Variants in JMJD7 observed in about 807,000 individuals in gnomAD.
JMJD7 encodes jumonji domain containing 7.
JMJD7 carries 41 observed loss-of-function variants against 41.1 expected under a neutral mutation model. The observed-to-expected ratio is 1.00, with a 90% CI of 0.78 to 1.30. The LOEUF (loss-of-function observed/expected upper bound fraction) is 1.30. Ranked by LOEUF, JMJD7 falls within the 50% of genes most tolerant of loss-of-function variation. JMJD7 has a pLI of 0.00. For synonymous variants in JMJD7, 202 were observed against 177.2 expected (o/e 1.14, Z -1.11); for missense variants, 480 against 420.7 (o/e 1.14, Z -1.23).
At chr15:41,835,451 C>A in intron 3 of JMJD7, 137 bp from the exon 4 acceptor site, 1 of 1,390,900 alleles carries the variant, frequency 7.2e-7, no homozygotes, top group Non-Finnish European at 9.7e-7. Flanking sequence ...CCCAAGATTT[C>A]CCAACCTCTG....
chr15:41,830,407 G>T lies in JMJD7; in HGVS notation c.64+2219G>T, dbSNP rs541346075. ...CATATGCACCTTGCCCGCCGCCGCT[G>T]TGGGGAAAACGTGAAGAGGAGAGGC... is the stretch of plus-strand genomic sequence containing the variant. On this transcript the variant is annotated intron_variant, in intron 1 of 7. Coordinates refer to ENST00000397299, the MANE Select transcript of JMJD7 (RefSeq NM_001114632.2). Among the ~76,000 whole-genome samples the T allele has an allele frequency of 3.9e-5, 6 of 152,376 alleles. No homozygotes were observed. In the East Asian group the frequency reaches 7.7e-4, roughly 20 times the overall value.
In JMJD7 at chr15:41,837,389, GA is replaced by G. The variant is rs1463713530; in HGVS notation, c.*234del. On this transcript the variant is annotated 3_prime_UTR_variant, in exon 8 of 8. Transcript: ENST00000397299. ...TTGCCACACAGGTGAGCAGAGTGGG[GA>G]TCAGGTGCAGCGGCACCTCTCCCCA... 7.1e-6 allele frequency: 4 copies of G among 564,586 alleles called. No individual in the cohort carries two copies. The highest frequency in any genetic ancestry group is 9.4e-6 in the Non-Finnish European group (3 of 317,492). 35.0% of individuals were successfully genotyped at this position (564,586 alleles called of 1,614,324 possible).
rs372847191 is a variant in JMJD7, at chr15:41,830,956, G to A, written c.64+2768G>A. Among the ~76,000 whole-genome samples the A allele has an allele frequency of 4.5e-4, 68 of 152,376 alleles. 1 individual carries two copies. The East Asian group carries it at 9.6e-3, about 22-fold the overall frequency. ...GCTTGGGTGCCGTGAATGGTGGCAA[G>A]AGGCAGACAGGTTCCTGGGTGGAAG... is the stretch of plus-strand genomic sequence containing the variant. On this transcript the variant is annotated intron_variant, in intron 1 of 7. Coordinates refer to ENST00000397299, the MANE Select transcript of JMJD7 (RefSeq NM_001114632.2).
chr15:41,833,241 A>G (rs1175253485), intron 1 of JMJD7, among the ~76,000 whole-genome samples: 1 of 151,868 alleles, frequency 6.6e-6, no homozygotes, highest in Non-Finnish European at 1.5e-5. Flanking sequence ...TTTATTCAAC[A>G]TTAGGCAAAT....
intron 1 of JMJD7, among the ~76,000 whole-genome samples, chr15:41,832,679 C>G (rs1167283447): frequency 6.6e-6 from 1 of 152,210 alleles, no homozygotes; most frequent in African/African-American, 2.4e-5. Context: ...GGTCTTCTCA[C>G]TCAGTTACAA....
rs2065330985 is a variant in JMJD7 at position 41,836,954 on chromosome 15, C to G, written c.862+14C>G. The stretch of plus-strand genomic sequence containing the variant: ...GCTGCATCGCAGGTGAAGAGTTGCC[C>G]AGGCCGCCTGGGGAGAGGCCCTGTC... On this transcript the variant is annotated intron_variant, in intron 7 of 7. Coordinates refer to ENST00000397299, the MANE Select transcript of JMJD7 (RefSeq NM_001114632.2). The G allele has an allele frequency of 1.9e-6, 3 of 1,611,716 alleles. No homozygotes were observed. Among genetic ancestry groups the G allele is most frequent in the Admixed American group, 1.7e-5 (1 of 59,948 alleles).
rs376767790 is a variant in JMJD7 at position 41,832,880 on chromosome 15, C to T, written c.65-1860C>T. Among the ~76,000 whole-genome samples, 15 of 152,226 alleles carry T rather than the reference C, an allele frequency of 9.9e-5. No individual in the cohort carries two copies. The East Asian group carries it at 2.5e-3, about 25-fold the overall frequency. ...GACCTAGAGCATGAATGTAGCAAAG[C>T]GAAGCCCTGTACACTTTATAAAAAC... On this transcript the variant is annotated intron_variant, in intron 1 of 7. Transcript: ENST00000397299.
chr15:41,832,064 G>A (rs1340262951), intron 1 of JMJD7, among the ~76,000 whole-genome samples: 1 of 152,206 alleles, frequency 6.6e-6, no homozygotes, highest in African/African-American at 2.4e-5. Flanking sequence ...AGTGTCAGCT[G>A]TGGAAGCTGC....
intron 1 of JMJD7, 61 bp downstream of exon 1, chr15:41,828,249 G>A: frequency 1.4e-6 from 2 of 1,457,480 alleles, no homozygotes; most frequent in Non-Finnish European, 9.0e-7. Context: ...CTGGGATGCC[G>A]CTGACACCGG....
At position 41,836,505 on chromosome 15, in the gene JMJD7, C is replaced by T; in HGVS notation, c.656C>T (p.Thr219Ile). The change falls in exon 6 of 8, where the codon ACT becomes ATT. Residue 219 changes from threonine to isoleucine, a missense_variant. Thr to Ile is a moderately conservative substitution (Grantham distance 89). Transcript: ENST00000397299. ...ELYTPATYQL[T>I]EEGTFKVVDE... ...TACACGCCGGCAACCTACCAGCTAA[C>T]TGAAGAGGGCACCTTTAAGGTGGTG... 1 of 1,592,908 alleles carries T rather than the reference C, an allele frequency of 6.3e-7. No homozygotes were observed. Among genetic ancestry groups the T allele is most frequent in the Non-Finnish European group, 8.6e-7 (1 of 1,169,324 alleles).
chr15:41,833,414 A>ATATTTTTTTTTTTTTTT (rs1239528383), intron 1 of JMJD7, among the ~76,000 whole-genome samples: 2 of 32,000 alleles, frequency 6.3e-5, no homozygotes, highest in Non-Finnish European at 1.2e-4. Flanking sequence ...ATATATATAT[A>ATATTTTTTTTTTTTTTT]TTTTTTTTTT....
chr15:41,830,461 G>T (rs578032963), intron 1 of JMJD7, among the ~76,000 whole-genome samples: 97 of 152,230 alleles, frequency 6.4e-4, no homozygotes, highest in Non-Finnish European at 1.3e-3. Context: ...CACAGAGCTG[G>T]CGGGAACTGG....
intron 1 of JMJD7, among the ~76,000 whole-genome samples, chr15:41,832,211 C>T (rs963525247): frequency 3.3e-5 from 5 of 152,228 alleles, no homozygotes; most frequent in African/African-American, 1.2e-4. Flanking sequence ...GCTCACACAC[C>T]CCTCGCTGCC....
chr15:41,828,296 C>G (rs1183125636), intron 1 of JMJD7, 108 bp downstream of exon 1: 2 of 1,320,732 alleles, frequency 1.5e-6, no homozygotes, highest in Non-Finnish European at 2.0e-6. Context: ...GCCCTGAGGC[C>G]CCGCTCGGGT....
chr15:41,835,180 G>A lies in JMJD7; in HGVS notation c.429G>A (p.Leu143=). 6.2e-7 allele frequency: 1 copy of A among 1,602,480 alleles called. No homozygotes were observed. Among genetic ancestry groups the A allele is most frequent in the South Asian group, 1.1e-5 (1 of 91,070 alleles). The change falls in exon 3 of 8, where the codon CTG becomes CTA. Residue 143 remains leucine, a synonymous_variant. Coordinates refer to ENST00000397299, the MANE Select transcript of JMJD7 (RefSeq NM_001114632.2). The part of the protein sequence containing the change: ...SNLPSELPQL[L]PDLESHVPWA... ...TGCCCAGCGAGCTGCCCCAGCTGCT[G>A]CCTGATCTGGAATCCCATGTGCCCT...
chr15:41,837,001 G>T (rs563596328), intron 7 of JMJD7, 61 bp downstream of exon 7: 4 of 1,609,472 alleles, frequency 2.5e-6, no homozygotes, highest in African/African-American at 1.3e-5. Context: ...GGGCCTCTGG[G>T]GGGAGGCTTG....
chr15:41,828,248 C>A, intron 1 of JMJD7, 60 bp downstream of exon 1: 1 of 1,459,430 alleles, frequency 6.9e-7, no homozygotes, highest in South Asian at 1.5e-5. Flanking sequence ...CCTGGGATGC[C>A]GCTGACACCG....
At position 41,836,187 on chromosome 15, in the gene JMJD7, CAGGAG is replaced by C; in HGVS notation, c.572_576del (p.Gly191GlufsTer17). The stretch of plus-strand genomic sequence containing the variant: ...TATGAGAACCTCTACTGCGTGGTCT[CAGGAG>C]AGAAGCATTTCCTGTTCCATCCGCC... On this transcript the variant is annotated frameshift_variant, in exon 5 of 8. Transcript: ENST00000397299. LOFTEE classifies it high-confidence loss of function. 2 of 1,612,482 alleles carry C rather than the reference CAGGAG, an allele frequency of 1.2e-6. No individual in the cohort carries two copies. Among genetic ancestry groups the C allele is most frequent in the Non-Finnish European group, 8.5e-7 (1 of 1,179,178 alleles).
chr15:41,833,416 T>TATATATA (rs2065262397), intron 1 of JMJD7, among the ~76,000 whole-genome samples: 3 of 18,072 alleles, frequency 1.7e-4, no homozygotes, highest in South Asian at 5.0e-3. Context: ...ATATATATAT[T>TATATATA]TTTTTTTTTT....
Sources: allele counts gnomAD v4.1 joint callset (sites outside exome capture counted in the v4.1 genomes callset), GRCh38; gene constraint gnomAD v4.1.1; transcripts MANE v1.5; gene names NCBI Gene and HGNC (gene_info 2026-07-23, HGNC 2026-07-21).